The following RNGTT variants were observed in gnomAD, a reference collection of about 807,000 sequenced individuals.
RNGTT encodes the protein mRNA-capping enzyme.
Under a neutral mutation model 79.3 loss-of-function variants are expected in RNGTT, and 33 were observed. That is an observed-to-expected ratio of 0.42 (90% confidence interval 0.32 to 0.56). RNGTT has a LOEUF of 0.56. Ranked by LOEUF, RNGTT falls within the 20% of genes least tolerant of loss-of-function variation. The pLI is 0.17. For missense variants in RNGTT, 497 were observed against 739.1 expected (o/e 0.67, Z 3.80); for synonymous variants, 222 against 235.9 (o/e 0.94, Z 0.54).
At chr6:88,704,830 G>C (rs1363330363) in intron 13 of RNGTT, among the ~76,000 whole-genome samples, 1 of 150,086 alleles carries the variant, frequency 6.7e-6, no homozygotes, top group Non-Finnish European at 1.5e-5. Flanking sequence ...TATTCATCTT[G>C]GCTCTTTCCC....
Position 88,690,686 on chromosome 6 carries a change from G to A in RNGTT, c.1440-12267C>T, listed in dbSNP as rs76941813. ...GATCACACTACTGCAGTCCAGCCTC[G>A]GTGACAGAGTGAGACACCCCATCTC... On this transcript the variant is annotated intron_variant, in intron 13 of 15. Transcript: ENST00000369485. Among the ~76,000 whole-genome samples the A allele has an allele frequency of 2.8e-3, 424 of 152,010 alleles. 1 individual carries two copies. Among genetic ancestry groups the A allele is most frequent in the African/African-American group, 8.1e-3 (338 of 41,474 alleles).
At chr6:88,804,864 T>G (rs1236874215) in intron 11 of RNGTT, among the ~76,000 whole-genome samples, 2 of 152,168 alleles carry the variant, frequency 1.3e-5, no homozygotes, top group Non-Finnish European at 2.9e-5. Context: ...AAATCATACA[T>G]GAGATTATAA....
chr6:88,880,078 A>G (rs1202430275), intron 8 of RNGTT, among the ~76,000 whole-genome samples: 1 of 152,218 alleles, frequency 6.6e-6, no homozygotes, highest in Non-Finnish European at 1.5e-5. Flanking sequence ...GCTGGATTAC[A>G]GGAAAAACTT....
At chr6:88,955,543 CA>C in intron 1 of RNGTT, among the ~76,000 whole-genome samples, 1 of 118,772 alleles carries the variant, frequency 8.4e-6, no homozygotes, top group East Asian at 2.8e-4. Flanking sequence ...GAGTGAGACT[CA>C]TCTCAAAAAA....
chr6:88,616,288 A>C (rs1772214813), intron 14 of RNGTT, among the ~76,000 whole-genome samples: 1 of 152,144 alleles, frequency 6.6e-6, no homozygotes, highest in South Asian at 2.1e-4. Context: ...CCTCTTGGCT[A>C]TTTTGGATAA....
chr6:88,764,489 C>T (rs1778379200), intron 13 of RNGTT, among the ~76,000 whole-genome samples: 1 of 152,140 alleles, frequency 6.6e-6, no homozygotes, highest in African/African-American at 2.4e-5. Flanking sequence ...GAAACACATA[C>T]AGGAAGACAC....
chr6:88,755,325 C>T (rs1015958789), intron 13 of RNGTT, among the ~76,000 whole-genome samples: 3 of 151,882 alleles, frequency 2.0e-5, no homozygotes, highest in Non-Finnish European at 4.4e-5. Context: ...TATATAAATG[C>T]CATTAAATTT....
chr6:88,891,764 A>C (rs750654235), intron 7 of RNGTT, 42 bp downstream of exon 7: 6 of 1,323,726 alleles, frequency 4.5e-6, no homozygotes, highest in Non-Finnish European at 6.1e-6. Flanking sequence ...GTGTTGTAAA[A>C]TAAGAGCAAA....
intron 11 of RNGTT, among the ~76,000 whole-genome samples, chr6:88,814,250 A>C (rs1374342898): frequency 6.6e-6 from 1 of 152,230 alleles, no homozygotes; most frequent in African/African-American, 2.4e-5. Context: ...ATATATCTCC[A>C]GTGAAGACAA....
chr6:88,785,626 C>T (rs1779204874), intron 12 of RNGTT, among the ~76,000 whole-genome samples: 1 of 152,038 alleles, frequency 6.6e-6, no homozygotes, highest in Non-Finnish European at 1.5e-5. Flanking sequence ...TGCCAGAAAA[C>T]AGAGCCCTTC....
chr6:88,882,820 T>C (rs902112532), intron 8 of RNGTT, among the ~76,000 whole-genome samples: 1 of 152,194 alleles, frequency 6.6e-6, no homozygotes, highest in Admixed American at 6.5e-5. Context: ...CAACAAGGCA[T>C]CATTTTGGAA....
At chr6:88,784,959 G>A (rs1210292356) in intron 12 of RNGTT, among the ~76,000 whole-genome samples, 1 of 152,080 alleles carries the variant, frequency 6.6e-6, no homozygotes, top group Non-Finnish European at 1.5e-5. Context: ...CTGGGAAGAA[G>A]TATGAGAGGG....
chr6:88,712,987 AGGCC>A, intron 13 of RNGTT, among the ~76,000 whole-genome samples: 1 of 152,330 alleles, frequency 6.6e-6, no homozygotes, highest in Non-Finnish European at 1.5e-5. Flanking sequence ...TCTAGAATTC[AGGCC>A]CTTAATTTTG....
chr6:88,659,329 G>T (rs1774096373), intron 14 of RNGTT, among the ~76,000 whole-genome samples: 1 of 152,120 alleles, frequency 6.6e-6, no homozygotes, highest in African/African-American at 2.4e-5. Context: ...AATTTAGAAG[G>T]TTGATTATTA....
At chr6:88,776,189 A>T (rs575412185) in intron 12 of RNGTT, among the ~76,000 whole-genome samples, 1 of 152,042 alleles carries the variant, frequency 6.6e-6, no homozygotes, top group South Asian at 2.1e-4. Flanking sequence ...ACCTTCACCA[A>T]CTATTTTGTA....
intron 12 of RNGTT, among the ~76,000 whole-genome samples, chr6:88,774,391 G>C (rs1778801903): frequency 6.6e-6 from 1 of 152,076 alleles, no homozygotes; most frequent in Admixed American, 6.6e-5. Context: ...AAATGGTGCA[G>C]CCACTATAGA....
At chr6:88,678,483 T>A (rs1356090856) in intron 13 of RNGTT, 64 bp from the exon 14 acceptor site, 5 of 1,088,170 alleles carry the variant, frequency 4.6e-6, no homozygotes. Context: ...TGTATAATTA[T>A]CAAAATTTGA....
intron 12 of RNGTT, among the ~76,000 whole-genome samples, chr6:88,786,206 T>G (rs1050419278): frequency 6.6e-6 from 1 of 152,156 alleles, no homozygotes; most frequent in Non-Finnish European, 1.5e-5. Flanking sequence ...AGAAACATAG[T>G]TTCTCCAGAT....
chr6:88,901,777 G>A (rs150589905), intron 6 of RNGTT, among the ~76,000 whole-genome samples: 32 of 152,142 alleles, frequency 2.1e-4, no homozygotes, highest in African/African-American at 6.0e-4. Flanking sequence ...GATTTCAGGC[G>A]TGAGCCACTG....
Sources: gnomAD v4.1 joint callset for allele counts (sites outside exome capture counted in the v4.1 genomes callset) on GRCh38, gnomAD v4.1.1 for gene constraint, MANE v1.5 for transcripts, NCBI Gene and HGNC (gene_info 2026-07-23, HGNC 2026-07-21) for gene names.